Variants in NINL observed in about 807,000 individuals in gnomAD.
NINL encodes the protein ninein-like protein.
A neutral mutation model predicts 160.3 loss-of-function variants in NINL; 153 were observed. The ratio of observed to expected loss-of-function variants is 0.95; its 90% CI spans 0.84 to 1.09. The LOEUF (loss-of-function observed/expected upper bound fraction) is 1.09, where lower values mean the gene tolerates loss of function less well. Among genes scored for constraint, NINL ranks in the 50% least tolerant of loss-of-function variants. NINL has a pLI of 0.00. For missense variants in NINL, 1,829 were observed against 1,764.0 expected, an observed-to-expected ratio of 1.04 and a Z score of -0.66; for synonymous variants, 800 against 734.8, an observed-to-expected ratio of 1.09 and a Z score of -1.43.
Position 25,479,158 on chromosome 20 carries a change from TC to T in NINL, c.1965del (p.Lys656ArgfsTer86). 6.2e-7 allele frequency: 1 copy of T among 1,612,460 alleles called. No individual in the cohort carries two copies. The highest frequency in any genetic ancestry group is 8.5e-7 in the Non-Finnish European group (1 of 1,179,420). On this transcript the variant is annotated frameshift_variant, in exon 16 of 24. Transcript: ENST00000278886. LOFTEE classifies it high-confidence loss of function. ...GCCTGCTCCATGTCCTTCCTCTCCT[TC>T]TCAAAGTTCCTTTTCAGTGCCGCAA... Reference protein sequence around the residue: ...REIAALKRNFEKERKDMEQAR... With the variant: ...REIAALKRNFXKERKDMEQAR...
chr20:25,500,292 T>C (rs919150822), intron 8 of NINL, among the ~76,000 whole-genome samples: 2 of 152,220 alleles, frequency 1.3e-5, no homozygotes, highest in Admixed American at 6.5e-5. Flanking sequence ...CTGTGTCCCA[T>C]GCAAGGACCA....
chr20:25,503,987 G>C lies in NINL; in HGVS notation c.826C>G (p.Arg276Gly). ...EPALLLESSTRVKPSKAWSHY... is the reference protein window; with the variant it reads ...EPALLLESSTGVKPSKAWSHY... ...GACCAAGCCTTGCTCGGTTTAACCC[G>C]AGTGGAAGACTCTAGAAGTAGCGCG... The change falls in exon 7 of 24, where the codon CGG becomes GGG. Residue 276 changes from arginine (R) to glycine (G), a missense_variant. Coordinates refer to ENST00000278886, the MANE Select transcript of NINL (RefSeq NM_025176.6). 1.2e-6 allele frequency: 2 copies of C among 1,614,076 alleles called. No individual in the cohort carries two copies. The highest frequency in any genetic ancestry group is 2.2e-5 in the South Asian group (2 of 91,080).
intron 1 of NINL, among the ~76,000 whole-genome samples, chr20:25,542,715 A>T (rs2064682978): frequency 9.2e-6 from 1 of 108,116 alleles, no homozygotes; most frequent in Non-Finnish European, 1.7e-5. Context: ...AAAAAAAAAA[A>T]AAAAAAAAAA....
intron 1 of NINL, among the ~76,000 whole-genome samples, chr20:25,535,609 T>G (rs1034307872): frequency 6.6e-6 from 1 of 152,186 alleles, no homozygotes; most frequent in Admixed American, 6.5e-5. Flanking sequence ...CTAGTTAACA[T>G]TACAGAACTG....
At chr20:25,570,094 C>T (rs961623758) in intron 1 of NINL, among the ~76,000 whole-genome samples, 5 of 151,938 alleles carry the variant, frequency 3.3e-5, no homozygotes, top group East Asian at 1.9e-4. Context: ...GCAGGAGAAT[C>T]GTTTTAACAC....
At chr20:25,544,560 GC>G (rs1317212598) in intron 1 of NINL, among the ~76,000 whole-genome samples, 1 of 152,170 alleles carries the variant, frequency 6.6e-6, no homozygotes, top group East Asian at 1.9e-4. Flanking sequence ...AACTTCAGAG[GC>G]CATGTTCAGT....
Position 25,476,493 on chromosome 20 carries a change from A to T in NINL, c.2798T>A (p.Leu933Gln), listed in dbSNP as rs2063243958. 2 of 1,604,484 alleles carry T rather than the reference A, an allele frequency of 1.2e-6. No homozygotes were observed. Among genetic ancestry groups the T allele is most frequent in the African/African-American group, 1.3e-5 (1 of 74,930 alleles). The change falls in exon 17 of 24, where the codon CTG becomes CAG. Residue 933 changes from leucine to glutamine, a missense_variant. Physicochemically the swap from Leu to Gln is moderately radical, Grantham distance 113 (BLOSUM62 -2). Transcript: ENST00000278886. ...CAGCTCCCGGGCTCCAGGCTGCTCC[A>T]GCCCCGCTGCGCTCGCGCCGAAAGG... ...PEPFGASAAG[L>Q]EQPGARELPL... is the part of the protein sequence containing the mutation.
At chr20:25,561,825 C>T (rs923412431) in intron 1 of NINL, among the ~76,000 whole-genome samples, 2 of 148,182 alleles carry the variant, frequency 1.3e-5, no homozygotes, top group African/African-American at 5.0e-5. Context: ...AGTGAGGAGC[C>T]CCTCCGCCCG....
intron 1 of NINL, among the ~76,000 whole-genome samples, chr20:25,539,121 T>C (rs1203415633): frequency 6.6e-6 from 1 of 152,148 alleles, no homozygotes; most frequent in Non-Finnish European, 1.5e-5. Flanking sequence ...GAATCCAGTG[T>C]CCAATTTCCC....
chr20:25,495,566 C>G (rs986656699), intron 10 of NINL, among the ~76,000 whole-genome samples: 4 of 152,306 alleles, frequency 2.6e-5, no homozygotes, highest in African/African-American at 7.2e-5. Context: ...GCAGAGGACC[C>G]ACTGACAAGG....
intron 1 of NINL, among the ~76,000 whole-genome samples, chr20:25,542,206 T>G (rs2064674072): frequency 6.6e-6 from 1 of 152,196 alleles, no homozygotes; most frequent in Admixed American, 6.5e-5. Context: ...CATTCAGCCT[T>G]CCTGGGCTAC....
intron 2 of NINL, among the ~76,000 whole-genome samples, chr20:25,524,872 T>C (rs937369886): frequency 2.9e-4 from 44 of 150,626 alleles, no homozygotes; most frequent in Admixed American, 1.3e-4. Flanking sequence ...TTTTCAAAAA[T>C]ATCAATTCAG....
At position 25,476,710 on chromosome 20, in the gene NINL, G is replaced by T; in HGVS notation, c.2581C>A (p.Leu861Met). The change falls in exon 17 of 24, where the codon CTG becomes ATG. Residue 861 changes from leucine (L) to methionine (M), a missense_variant. Transcript: ENST00000278886. ...GACTCTCTGCCATCACCTGGGGCCA[G>T]CCAGGCCAGTGGCCGCTCCCCACAG... is the stretch of plus-strand genomic sequence containing the variant. Reference protein sequence around the residue: ...PGCGERPLAWLAPGDGRESEE... With the variant: ...PGCGERPLAWMAPGDGRESEE... 1 of 1,598,980 alleles carries T rather than the reference G, an allele frequency of 6.3e-7. No individual in the cohort carries two copies.
Position 25,512,866 on chromosome 20 carries a change from G to A in NINL, c.418C>T (p.Leu140Phe), listed in dbSNP as rs751959988. The A allele has an allele frequency of 6.2e-6, 10 of 1,613,994 alleles. No individual in the cohort carries two copies. The highest frequency in any genetic ancestry group is 8.5e-6 in the Non-Finnish European group (10 of 1,179,966). Residue 140 changes from leucine to phenylalanine, a missense_variant, in exon 4 of 24, where the codon CTC becomes TTC. Coordinates refer to ENST00000278886, the MANE Select transcript of NINL (RefSeq NM_025176.6). ...QQTQASLKSHLWRSASLESVE... is the reference protein window; with the variant it reads ...QQTQASLKSHFWRSASLESVE... ...CTCTCCAGAGACGCTGAGCGCCAGA[G>A]GTGACTTTTCAGGCTGGCCTGGGTT...
At chr20:25,568,169 T>G (rs2065015234) in intron 1 of NINL, among the ~76,000 whole-genome samples, 1 of 150,946 alleles carries the variant, frequency 6.6e-6, no homozygotes, top group African/African-American at 2.4e-5. Flanking sequence ...TTGATAAACC[T>G]CTAGCAAAAC....
At chr20:25,510,099 CG>C (rs2064039937) in intron 5 of NINL, among the ~76,000 whole-genome samples, 1 of 152,260 alleles carries the variant, frequency 6.6e-6, no homozygotes, top group Non-Finnish European at 1.5e-5. Flanking sequence ...TCCCCTTGCA[CG>C]CTGCACAGCG....
intron 21 of NINL, among the ~76,000 whole-genome samples, chr20:25,459,550 A>AAT (rs2090783669): frequency 6.6e-6 from 1 of 152,116 alleles, no homozygotes; most frequent in African/African-American, 2.4e-5. Context: ...TCGTCTCAAG[A>AAT]CGGTCACTCT....
rs150287555 is a variant in NINL, at chr20:25,476,145, A to C, written c.3146T>G (p.Ile1049Arg). The C allele has an allele frequency of 1.5e-4, 249 of 1,614,010 alleles. No homozygotes were observed. The African/African-American group carries it at 3.0e-3, about 19-fold the overall frequency. Residue 1049 changes from isoleucine to arginine, a missense_variant, in exon 17 of 24, where the codon ATA becomes AGA. Ile to Arg is a moderately conservative substitution (Grantham distance 97, BLOSUM62 -3). Transcript: ENST00000278886. ...GTCATCCTTCTCTCTCTCCAGCGCT[A>C]TTTTGGTCTCCCCCTCTTCTGGGGC... ...LAAPEEGETK[I>R]ALEREKDDME...
chr20:25,501,028 T>A lies in NINL; in HGVS notation c.862-18A>T. 1 of 1,611,926 alleles carries A rather than the reference T, an allele frequency of 6.2e-7. No individual in the cohort carries two copies. Among genetic ancestry groups the A allele is most frequent in the Non-Finnish European group, 8.5e-7 (1 of 1,178,966 alleles). On this transcript the variant is annotated intron_variant, in intron 7 of 23. Coordinates refer to ENST00000278886, the MANE Select transcript of NINL (RefSeq NM_025176.6). ...TCTGGGACCTGCATGTCAGGAAGACTTCCATAGCGCCCAGCGTCCAAAGCC... is the reference window on the plus strand; with the variant it reads ...TCTGGGACCTGCATGTCAGGAAGACATCCATAGCGCCCAGCGTCCAAAGCC...
Sources: allele counts gnomAD v4.1 joint callset (sites outside exome capture counted in the v4.1 genomes callset), GRCh38; gene constraint gnomAD v4.1.1; transcripts MANE v1.5; gene names NCBI Gene and HGNC (gene_info 2026-07-23, HGNC 2026-07-21).